The following KLHL1 variants were observed in gnomAD, a reference collection of about 807,000 sequenced individuals.
KLHL1 encodes the protein kelch-like protein 1.
In KLHL1, 47 loss-of-function variants were observed where a neutral mutation model predicts 77.7. The ratio of observed to expected loss-of-function variants is 0.60; its 90% CI spans 0.48 to 0.77. KLHL1 has a LOEUF of 0.77. KLHL1 is among the 30% of genes least tolerant of loss of function. KLHL1 has a pLI of 0.00. For missense variants in KLHL1, 925 were observed against 910.8 expected (o/e 1.02, Z -0.20); for synonymous variants, 360 against 325.2 (o/e 1.11, Z -1.15).
intron 4 of KLHL1, among the ~76,000 whole-genome samples, chr13:69,923,722 A>G (rs934350426): frequency 2.6e-5 from 4 of 152,228 alleles, no homozygotes; most frequent in African/African-American, 7.2e-5. Context: ...CATCTAGAGC[A>G]GCTGCTGCGA....
intron 1 of KLHL1, among the ~76,000 whole-genome samples, chr13:70,065,156 T>C (rs1056651019): frequency 2.2e-4 from 34 of 152,172 alleles, no homozygotes; most frequent in Admixed American, 4.6e-4. Flanking sequence ...CTAACCACAG[T>C]TCTTCCTTCA....
At chr13:69,852,908 A>G (rs756483152) in intron 5 of KLHL1, among the ~76,000 whole-genome samples, 50 of 152,148 alleles carry the variant, frequency 3.3e-4, no homozygotes, top group South Asian at 1.4e-3. Flanking sequence ...CAAAGGCATT[A>G]ATAGAATTTA....
chr13:70,090,536 TTCTC>T (rs1887648107), intron 1 of KLHL1, among the ~76,000 whole-genome samples: 1 of 152,014 alleles, frequency 6.6e-6, no homozygotes, highest in South Asian at 2.1e-4. Flanking sequence ...CCTCTGCTCT[TTCTC>T]TTGCTTTCTT....
intron 3 of KLHL1, among the ~76,000 whole-genome samples, chr13:69,955,237 T>C (rs1179799434): frequency 6.6e-6 from 1 of 151,402 alleles, no homozygotes; most frequent in Non-Finnish European, 1.5e-5. Flanking sequence ...ATATACACTT[T>C]TTAATATTAA....
At chr13:69,921,317 C>T (rs1018911113) in intron 4 of KLHL1, among the ~76,000 whole-genome samples, 2 of 152,178 alleles carry the variant, frequency 1.3e-5, no homozygotes, top group African/African-American at 4.8e-5. Flanking sequence ...TAATCCCTGT[C>T]CTCCATTGTG....
intron 7 of KLHL1, among the ~76,000 whole-genome samples, chr13:69,748,513 T>A (rs1038141347): frequency 5.3e-5 from 8 of 151,788 alleles, no homozygotes; most frequent in Admixed American, 5.3e-4. Context: ...TCAAATTATC[T>A]CCCCCTGGGT....
chr13:69,811,683 G>T (rs765755478), intron 6 of KLHL1, among the ~76,000 whole-genome samples: 34 of 152,044 alleles, frequency 2.2e-4, no homozygotes, highest in Non-Finnish European at 4.6e-4. Flanking sequence ...AAAAAGTCAT[G>T]TTATCTCTCT....
At position 69,701,560 on chromosome 13, in the gene KLHL1, A is replaced by G; in HGVS notation, c.*142T>C. ...TTCCTACTATTCTGTTTGATCTACT[A>G]ACTCTTTCAACATCAGTAGGTAACG... On this transcript the variant is annotated 3_prime_UTR_variant, in exon 11 of 11. Coordinates refer to ENST00000377844, the MANE Select transcript of KLHL1 (RefSeq NM_020866.3). 1.6e-6 allele frequency: 1 copy of G among 632,302 alleles called. No individual in the cohort carries two copies. Among genetic ancestry groups the G allele is most frequent in the East Asian group, 3.0e-5 (1 of 33,750 alleles). The allele number at this position is 632,302 out of a possible 1,614,324, so 39.2% of individuals were successfully genotyped here.
intron 6 of KLHL1, among the ~76,000 whole-genome samples, chr13:69,797,785 C>T (rs188018407): frequency 8.0e-5 from 12 of 150,172 alleles, no homozygotes; most frequent in Admixed American, 6.0e-4. Context: ...GCAGAGATCG[C>T]GCCACTGCAC....
In KLHL1 at chr13:70,107,495, A is replaced by C. The variant is rs748976886; in HGVS notation, c.205T>G (p.Trp69Gly). 3.1e-6 allele frequency: 5 copies of C among 1,613,808 alleles called. No homozygotes were observed. Among genetic ancestry groups the C allele is most frequent in the Middle Eastern group, 1.6e-4 (1 of 6,082 alleles). The change falls in exon 1 of 11, where the codon TGG (tryptophan) becomes GGG (glycine). Residue 69 changes from tryptophan (W) to glycine (G), a missense_variant. Physicochemically the swap from Trp to Gly is radical, Grantham distance 184 (BLOSUM62 -2). Coordinates refer to ENST00000377844, the MANE Select transcript of KLHL1 (RefSeq NM_020866.3). ...SQERSGVSTF[W>G]KKPSSSSSSS... Reference sequence around the variant, plus strand: ...GAGGAAGAGGAGGAAGGCTTCTTCCAGAAAGTGCTCACACCGCTTCTCTCT... The same window carrying C: ...GAGGAAGAGGAGGAAGGCTTCTTCCCGAAAGTGCTCACACCGCTTCTCTCT...
intron 1 of KLHL1, among the ~76,000 whole-genome samples, chr13:70,023,908 G>T (rs1335231269): frequency 6.6e-6 from 1 of 151,838 alleles, no homozygotes; most frequent in Non-Finnish European, 1.5e-5. Context: ...AGTAAGTTTA[G>T]TAACTTACTA....
At chr13:69,900,907 C>T (rs781126275) in intron 4 of KLHL1, among the ~76,000 whole-genome samples, 9 of 152,156 alleles carry the variant, frequency 5.9e-5, no homozygotes, top group Non-Finnish European at 8.8e-5. Context: ...TACTTCCTGT[C>T]CTCCTTTCCT....
At chr13:69,781,285 C>CTTTTTTTTTTTTT (rs869083780) in intron 7 of KLHL1, among the ~76,000 whole-genome samples, 152 of 119,604 alleles carry the variant, frequency 1.3e-3, no homozygotes, top group African/African-American at 1.5e-3. Flanking sequence ...TTTTTTCTTT[C>CTTTTTTTTTTTTT]TTTTTTTTTT....
rs1324246935 is a variant in KLHL1 at position 70,084,461 on chromosome 13, C to CTTTTTTTTTTTTTTTTTT, written c.497+22741_497+22742insAAAAAAAAAAAAAAAAAA. Among the ~76,000 whole-genome samples, 15 of 115,096 alleles carry CTTTTTTTTTTTTTTTTTT rather than the reference C, an allele frequency of 1.3e-4. 1 individual carries two copies. The highest frequency in any genetic ancestry group is 2.0e-4 in the Admixed American group (2 of 9,924). 75.5% of individuals were successfully genotyped at this position (115,096 alleles called of 152,430 possible). On this transcript the variant is annotated intron_variant, in intron 1 of 10. Coordinates refer to ENST00000377844, the MANE Select transcript of KLHL1 (RefSeq NM_020866.3). ...GATATTTTCTAGTCTATTTCTTCTT[C>CTTTTTTTTTTTTTTTTTT]TTCTTTTTTTTTTTTTGAGACGGAG... is the stretch of plus-strand genomic sequence containing the variant.
intron 1 of KLHL1, among the ~76,000 whole-genome samples, chr13:70,082,310 G>GTC (rs1196270983): frequency 8.6e-5 from 9 of 104,594 alleles, no homozygotes; most frequent in South Asian, 3.2e-4. Flanking sequence ...CCTTGGACCT[G>GTC]TCACACACAC....
Position 69,907,179 on chromosome 13 carries a change from G to T in KLHL1, c.1015-24684C>A, listed in dbSNP as rs996321643. ...TTGGTGGCTTATGTTTGTGAGCAAA[G>T]CTCTAAAACACAATTTTAATTTTTA... On this transcript the variant is annotated intron_variant, in intron 4 of 10. Transcript: ENST00000377844. 5.3e-5 allele frequency among the ~76,000 whole-genome samples: 8 copies of T among 151,938 alleles called. No homozygotes were observed. The East Asian group carries it at 1.5e-3, about 29-fold the overall frequency.
chr13:69,712,878 G>A (rs1162079164), intron 9 of KLHL1, among the ~76,000 whole-genome samples: 1 of 151,172 alleles, frequency 6.6e-6, no homozygotes, highest in Non-Finnish European at 1.5e-5. Context: ...TAGAGATCAA[G>A]AGATCTTGAG....
intron 1 of KLHL1, among the ~76,000 whole-genome samples, chr13:70,104,884 T>C (rs180950085): frequency 1.7e-3 from 257 of 152,216 alleles, no homozygotes; most frequent in African/African-American, 6.0e-3. Context: ...TTGGAAATGC[T>C]GTCTTTTCTG....
At chr13:69,762,175 C>T (rs1875057658) in intron 7 of KLHL1, among the ~76,000 whole-genome samples, 1 of 152,062 alleles carries the variant, frequency 6.6e-6, no homozygotes, top group African/African-American at 2.4e-5. Context: ...ACTTACTTCC[C>T]TAGACAAGTT....
Sources: allele counts gnomAD v4.1 joint callset (sites outside exome capture counted in the v4.1 genomes callset), GRCh38; gene constraint gnomAD v4.1.1; transcripts MANE v1.5; gene names NCBI Gene and HGNC (gene_info 2026-07-23, HGNC 2026-07-21).